The following ZUP1 variants were observed in gnomAD, a reference collection of about 807,000 sequenced individuals.
ZUP1 encodes the protein zinc finger containing ubiquitin peptidase 1, also known as zinc finger-containing ubiquitin peptidase 1.
Under a neutral mutation model 68.1 loss-of-function variants are expected in ZUP1, and 55 were observed. The observed-to-expected ratio is 0.81, with a 90% CI of 0.65 to 1.01. The LOEUF (loss-of-function observed/expected upper bound fraction) is 1.01, where lower values mean the gene tolerates loss of function less well. Ranked by LOEUF, ZUP1 falls within the 50% of genes least tolerant of loss-of-function variation. The pLI is 0.00. For synonymous variants in ZUP1, 223 were observed against 221.5 expected, an observed-to-expected ratio of 1.01 and a Z score of -0.06; for missense variants, 684 against 674.9, an observed-to-expected ratio of 1.01 and a Z score of -0.15.
Position 116,668,564 on chromosome 6 carries a change from A to T in ZUP1, c.-16+2T>A, listed in dbSNP as rs566912947. ...ATAAGGGAGGGGACCATCAATTCTT[A>T]CCGGCCCAGAGGCCAGCAGCTGCCA... On this transcript the variant is annotated splice_donor_variant, in intron 1 of 9. Coordinates refer to ENST00000368576, the MANE Select transcript of ZUP1 (RefSeq NM_145062.3). LOFTEE classifies it low-confidence loss of function (5UTR_SPLICE). 1 of 152,520 alleles carries T rather than the reference A, an allele frequency of 6.6e-6. No individual in the cohort carries two copies. The highest frequency in any genetic ancestry group is 2.1e-4 in the South Asian group (1 of 4,836). 9.4% of individuals were successfully genotyped at this position (152,520 alleles called of 1,614,324 possible).
At chr6:116,646,482 G>A (rs923824099) in intron 8 of ZUP1, among the ~76,000 whole-genome samples, 3 of 152,070 alleles carry the variant, frequency 2.0e-5, no homozygotes, top group African/African-American at 7.2e-5. Flanking sequence ...ACAGACAAAC[G>A]TGCCTGTGTT....
chr6:116,651,828 G>A (rs946418947), intron 6 of ZUP1, 91 bp from the exon 7 acceptor site: 11 of 1,488,726 alleles, frequency 7.4e-6, no homozygotes, highest in African/African-American at 1.4e-5. Context: ...GAACTTTACG[G>A]TTTTTAAGAC....
rs1487465528 is a variant in ZUP1, at chr6:116,658,921, A to T, written c.674T>A (p.Met225Lys). 6.2e-7 allele frequency: 1 copy of T among 1,605,490 alleles called. No individual in the cohort carries two copies. The highest frequency in any genetic ancestry group is 8.5e-7 in the Non-Finnish European group (1 of 1,177,932). Residue 225 changes from methionine to lysine, a missense_variant, in exon 4 of 10, where the codon ATG becomes AAG. Coordinates refer to ENST00000368576, the MANE Select transcript of ZUP1 (RefSeq NM_145062.3). ...HLEENSFQQG[M>K]DRVQCSGDLQ... Reference sequence around the variant, plus strand: ...ATCACCAGAACACTGGACTCTATCCATGCCTGTTAGGTATTGTTAATGTTC... The same window carrying T: ...ATCACCAGAACACTGGACTCTATCCTTGCCTGTTAGGTATTGTTAATGTTC...
chr6:116,651,771 G>A (rs759777569), intron 6 of ZUP1, 34 bp from the exon 7 acceptor site: 2 of 1,607,378 alleles, frequency 1.2e-6, no homozygotes, highest in Admixed American at 1.7e-5. Flanking sequence ...TTACATGACT[G>A]TTAATAAAGT....
chr6:116,664,252 G>A (rs758952862), intron 2 of ZUP1, among the ~76,000 whole-genome samples: 4 of 150,892 alleles, frequency 2.7e-5, no homozygotes, highest in Non-Finnish European at 4.4e-5. Flanking sequence ...CCAACATGGC[G>A]AAACCCTGTC....
rs35132204 is a variant in ZUP1, at chr6:116,658,562, A to G, written c.792+241T>C. Among the ~76,000 whole-genome samples, 432 of 152,300 alleles carry G rather than the reference A, an allele frequency of 2.8e-3. 1 individual carries two copies. Among genetic ancestry groups the G allele is most frequent in the Admixed American group, 4.8e-3 (74 of 15,294 alleles). On this transcript the variant is annotated intron_variant, in intron 4 of 9. Transcript: ENST00000368576. ...TCTCCATTTCTTCATCTGAAAAAAA[A>G]GGGGGCGTGGGAGGGCCTAAAGTAA...
intron 7 of ZUP1, among the ~76,000 whole-genome samples, chr6:116,647,929 A>G (rs776796491): frequency 6.6e-6 from 1 of 152,222 alleles, no homozygotes; most frequent in Non-Finnish European, 1.5e-5. Context: ...ATCTCCATGA[A>G]TAGTAAATAA....
intron 9 of ZUP1, among the ~76,000 whole-genome samples, chr6:116,638,585 A>G (rs1211880111): frequency 6.6e-6 from 1 of 152,258 alleles, no homozygotes; most frequent in African/African-American, 2.4e-5. Context: ...TTATAAGGCC[A>G]ATATGAGTTA....
chr6:116,667,727 CT>C (rs1356973409), intron 1 of ZUP1, among the ~76,000 whole-genome samples: 1 of 152,068 alleles, frequency 6.6e-6, no homozygotes, highest in Non-Finnish European at 1.5e-5. Flanking sequence ...TAAAGAAATT[CT>C]GGCTCAGACA....
intron 9 of ZUP1, among the ~76,000 whole-genome samples, chr6:116,641,860 A>G (rs1445410319): frequency 5.3e-5 from 8 of 152,226 alleles, no homozygotes; most frequent in African/African-American, 1.4e-4. Context: ...TGAAGGAAAT[A>G]GAGACACAAA....
chr6:116,645,633 T>C, intron 9 of ZUP1, 81 bp downstream of exon 9: 1 of 985,068 alleles, frequency 1.0e-6, no homozygotes. Flanking sequence ...AAAAAAGTGA[T>C]AACACTGATT....
intron 7 of ZUP1, among the ~76,000 whole-genome samples, chr6:116,650,166 T>TGG (rs1269909269): frequency 6.6e-6 from 1 of 152,186 alleles, no homozygotes; most frequent in Non-Finnish European, 1.5e-5. Flanking sequence ...CTCAAGCCTG[T>TGG]AATCCTAGCA....
chr6:116,667,599 GT>G (rs1245124034), intron 1 of ZUP1, among the ~76,000 whole-genome samples: 1 of 152,022 alleles, frequency 6.6e-6, no homozygotes, highest in Non-Finnish European at 1.5e-5. Context: ...TATTGAGGAG[GT>G]AAATAAACAC....
intron 8 of ZUP1, among the ~76,000 whole-genome samples, chr6:116,646,880 G>A (rs1184016343): frequency 1.3e-5 from 2 of 152,066 alleles, no homozygotes; most frequent in Admixed American, 1.3e-4. Context: ...CTGGCCTTGA[G>A]TTCTACTTTT....
chr6:116,644,048 C>A (rs1306890060), intron 9 of ZUP1, among the ~76,000 whole-genome samples: 2 of 152,168 alleles, frequency 1.3e-5, no homozygotes, highest in Non-Finnish European at 2.9e-5. Context: ...AGACACTTCT[C>A]AAAAGAAGAC....
rs560339837 is a variant in ZUP1 at position 116,662,067 on chromosome 6, T to C, written c.560-1221A>G. On this transcript the variant is annotated intron_variant, in intron 2 of 9. Coordinates refer to ENST00000368576, the MANE Select transcript of ZUP1 (RefSeq NM_145062.3). ...GATGAAGAAAATGAAAATATTAAGA[T>C]GTAATCATTGGAATAAAAAATTCAA... 4.6e-5 allele frequency among the ~76,000 whole-genome samples: 7 copies of C among 152,208 alleles called. No individual in the cohort carries two copies. The South Asian group carries it at 1.5e-3, about 32-fold the overall frequency.
chr6:116,655,530 T>C (rs914345321), intron 5 of ZUP1, among the ~76,000 whole-genome samples: 8 of 152,144 alleles, frequency 5.3e-5, no homozygotes, highest in Non-Finnish European at 1.0e-4. Context: ...CTTTAAAAAC[T>C]TTTAAGTAAA....
In ZUP1 at chr6:116,666,798, C is replaced by G. The variant is rs140797289; in HGVS notation, c.395G>C (p.Ser132Thr). Residue 132 changes from serine to threonine, a missense_variant, in exon 2 of 10, where the codon AGT (serine) becomes ACT (threonine). By Grantham distance (58) the Ser-to-Thr change is moderately conservative. Transcript: ENST00000368576. ...GGTCAGGCTGGACTGTTTTTCCCTA[C>G]TTTTCAGGAATTTTCTAGATTCAGT... ...NLTESRKFLK[S>T]REKQSSLTEI... 7 of 1,613,474 alleles carry G rather than the reference C, an allele frequency of 4.3e-6. No individual in the cohort carries two copies. Among genetic ancestry groups the G allele is most frequent in the Non-Finnish European group, 5.9e-6 (7 of 1,179,824 alleles).
At chr6:116,658,986 T>C in intron 3 of ZUP1, 62 bp from the exon 4 acceptor site, 1 of 1,347,142 alleles carries the variant, frequency 7.4e-7, no homozygotes, top group Admixed American at 2.6e-5. Flanking sequence ...TATTTATTAT[T>C]TAATATATGT....
Sources: allele counts gnomAD v4.1 joint callset (sites outside exome capture counted in the v4.1 genomes callset), GRCh38; gene constraint gnomAD v4.1.1; transcripts MANE v1.5; gene names NCBI Gene and HGNC (gene_info 2026-07-23, HGNC 2026-07-21).